The following ARHGEF26 variants were observed in gnomAD, a reference collection of about 807,000 sequenced individuals.
ARHGEF26 encodes the protein Rho guanine nucleotide exchange factor 26.
In ARHGEF26, 59 loss-of-function variants were observed where a neutral mutation model predicts 89.4. The ratio of observed to expected loss-of-function variants is 0.66; its 90% confidence interval spans 0.54 to 0.82. The LOEUF is 0.82. Ranked by LOEUF, ARHGEF26 falls within the 40% of genes least tolerant of loss-of-function variation. The probability of loss-of-function intolerance (pLI) is 0.00; values close to 1 mark genes in which losing one functional copy is unlikely to be tolerated. For synonymous variants in ARHGEF26, 500 were observed against 428.4 expected (o/e 1.17, Z -2.06); for missense variants, 1,234 against 1,085.6 (o/e 1.14, Z -1.92).
At position 154,255,853 on chromosome 3, in the gene ARHGEF26, T is replaced by C. The variant is rs142560833; in HGVS notation, c.*380T>C. ...GTGACTGTCTCTCTTTATACATCCTTGTATGGTTCTCCCAGTATTAGCAAG... is the reference window on the plus strand; with the variant it reads ...GTGACTGTCTCTCTTTATACATCCTCGTATGGTTCTCCCAGTATTAGCAAG... On this transcript the variant is annotated 3_prime_UTR_variant, in exon 15 of 15. Transcript: ENST00000465093. 6.0e-4 allele frequency: 609 copies of C among 1,010,818 alleles called. 6 individuals are homozygous for C. The African/African-American group carries it at 9.9e-3, about 16-fold the overall frequency. The allele number at this position is 1,010,818 out of a possible 1,614,324, so 62.6% of individuals were successfully genotyped here. A position where few individuals can be genotyped will look rare whatever the true frequency, so the allele number is the denominator to read the frequency against.
chr3:154,253,114 A>T lies in ARHGEF26; in HGVS notation c.2301-2A>T, dbSNP rs763288541. 1 of 1,613,990 alleles carries T rather than the reference A, an allele frequency of 6.2e-7. No individual in the cohort carries two copies. The highest frequency in any genetic ancestry group is 1.1e-5 in the South Asian group (1 of 91,078). The stretch of plus-strand genomic sequence containing the variant: ...CTCAGTTGGATCTGCCCTCTGTTTT[A>T]GGAGCGAGCGAGCCCGCTGGATAAC... On this transcript the variant is annotated splice_acceptor_variant, in intron 12 of 14. Transcript: ENST00000465093. LOFTEE classifies it high-confidence loss of function.
At chr3:154,184,128 AC>A (rs1713356626) in intron 6 of ARHGEF26, among the ~76,000 whole-genome samples, 1 of 150,836 alleles carries the variant, frequency 6.6e-6, no homozygotes, top group African/African-American at 2.4e-5. Flanking sequence ...GTCTGCCACC[AC>A]CCCCGGCTAA....
intron 6 of ARHGEF26, among the ~76,000 whole-genome samples, chr3:154,159,568 C>G (rs146371731): frequency 9.5e-4 from 145 of 152,134 alleles, no homozygotes; most frequent in Non-Finnish European, 1.7e-3. Context: ...TAATTTTAAT[C>G]AAACTCTATT....
intron 11 of ARHGEF26, 111 bp from the exon 12 acceptor site, chr3:154,240,259 C>T: frequency 1.5e-6 from 1 of 686,690 alleles, no homozygotes; most frequent in Admixed American, 3.1e-5. Flanking sequence ...CATTCTTTCC[C>T]TCTCCTTCCT....
At chr3:154,209,755 C>G (rs1312532757) in intron 9 of ARHGEF26, among the ~76,000 whole-genome samples, 1 of 152,224 alleles carries the variant, frequency 6.6e-6, no homozygotes. Context: ...CACTCCCTGG[C>G]TACTGCCTGT....
chr3:154,253,086 T>C lies in ARHGEF26; in HGVS notation c.2301-30T>C, dbSNP rs369872149. 15 of 1,612,840 alleles carry C rather than the reference T, an allele frequency of 9.3e-6. No individual in the cohort carries two copies. In the East Asian group the frequency reaches 1.8e-4, roughly 19 times the overall value. On this transcript the variant is annotated intron_variant, in intron 12 of 14. Transcript: ENST00000465093. The stretch of plus-strand genomic sequence containing the variant: ...CCATTCTGTGTTTTTACACCTTGAG[T>C]CTCTCAGTTGGATCTGCCCTCTGTT...
intron 9 of ARHGEF26, among the ~76,000 whole-genome samples, chr3:154,197,103 C>T (rs747515197): frequency 4.6e-5 from 7 of 152,070 alleles, no homozygotes; most frequent in Non-Finnish European, 7.4e-5. Flanking sequence ...AGTTGCTTTA[C>T]CTTGATACTA....
At chr3:154,208,089 T>C (rs1327198784) in intron 9 of ARHGEF26, among the ~76,000 whole-genome samples, 5 of 152,008 alleles carry the variant, frequency 3.3e-5, no homozygotes, top group Non-Finnish European at 7.4e-5. Context: ...CTGGGGCCTA[T>C]TGGAGGATGG....
In ARHGEF26 at chr3:154,255,679, C is replaced by T. The variant is rs1344599302; in HGVS notation, c.*206C>T. Reference sequence around the variant, plus strand: ...TTGCACAGCTCAGTTTTTACCTAACCACACACTTGCAGACCTCCTGAGGTA... The same window carrying T: ...TTGCACAGCTCAGTTTTTACCTAACTACACACTTGCAGACCTCCTGAGGTA... On this transcript the variant is annotated 3_prime_UTR_variant, in exon 15 of 15. Transcript: ENST00000465093. The T allele has an allele frequency of 1.4e-6, 2 of 1,383,632 alleles. No homozygotes were observed. The highest frequency in any genetic ancestry group is 1.9e-6 in the Non-Finnish European group (2 of 1,075,384). 85.7% of individuals were successfully genotyped at this position (1,383,632 alleles called of 1,614,324 possible). A position where few individuals can be genotyped will look rare whatever the true frequency, so the allele number is the denominator to read the frequency against.
At chr3:154,147,715 T>C (rs1387659241) in intron 4 of ARHGEF26, among the ~76,000 whole-genome samples, 1 of 152,250 alleles carries the variant, frequency 6.6e-6, no homozygotes, top group East Asian at 1.9e-4. Context: ...GGTCCCTGTG[T>C]CTGAATTTGA....
chr3:154,172,551 G>A (rs1375305153), intron 6 of ARHGEF26, among the ~76,000 whole-genome samples: 1 of 152,120 alleles, frequency 6.6e-6, no homozygotes, highest in African/African-American at 2.4e-5. Flanking sequence ...AAAGTTAGCT[G>A]GGCGTGGTGG....
chr3:154,154,458 GTATA>G (rs1029283956), intron 6 of ARHGEF26, among the ~76,000 whole-genome samples: 15 of 151,920 alleles, frequency 9.9e-5, no homozygotes, highest in African/African-American at 3.4e-4. Flanking sequence ...ATTTATCAAA[GTATA>G]TATATTAAAT....
intron 3 of ARHGEF26, among the ~76,000 whole-genome samples, chr3:154,126,789 C>T (rs146427989): frequency 7.6e-4 from 115 of 152,284 alleles, no homozygotes; most frequent in African/African-American, 2.8e-3. Context: ...TAAGATACAG[C>T]CATGCATCAC....
At chr3:154,121,151 C>G (rs1342834024), upstream of ARHGEF26, 1 of 152,268 alleles carries the variant, frequency 6.6e-6, no homozygotes, top group Non-Finnish European at 1.5e-5. Context: ...CGGCAACGAC[C>G]CCGCGCGCCT....
chr3:154,194,151 A>G (rs775583291), intron 8 of ARHGEF26, among the ~76,000 whole-genome samples: 7 of 152,180 alleles, frequency 4.6e-5, no homozygotes, highest in Non-Finnish European at 1.5e-5. Context: ...AAAATGTATC[A>G]TCTATAAATA....
intron 4 of ARHGEF26, among the ~76,000 whole-genome samples, chr3:154,144,981 C>T (rs191439620): frequency 2.0e-4 from 30 of 152,186 alleles, no homozygotes; most frequent in Non-Finnish European, 3.8e-4. Context: ...TGTTTACCCA[C>T]CACTCCCCAG....
chr3:154,124,573 TATACAGTCCAA>T (rs1212000213), intron 3 of ARHGEF26, 124 bp downstream of exon 3: 3 of 882,286 alleles, frequency 3.4e-6, no homozygotes, highest in African/African-American at 1.8e-5. Flanking sequence ...CTTCTCAAAT[TATACAGTCCAA>T]AGCTTCTCAC....
At chr3:154,175,004 C>G (rs148601110) in intron 6 of ARHGEF26, among the ~76,000 whole-genome samples, 2 of 152,086 alleles carry the variant, frequency 1.3e-5, no homozygotes, top group African/African-American at 4.8e-5. Flanking sequence ...AAGTGCCCTC[C>G]GCATGCAAGT....
chr3:154,221,931 ATG>A (rs1716155420), intron 10 of ARHGEF26, among the ~76,000 whole-genome samples: 1 of 152,200 alleles, frequency 6.6e-6, no homozygotes, highest in Non-Finnish European at 1.5e-5. Context: ...TATTTGGTTT[ATG>A]GTATGGCCAT....
Sources: gnomAD v4.1 joint callset for allele counts (sites outside exome capture counted in the v4.1 genomes callset) on GRCh38, gnomAD v4.1.1 for gene constraint, MANE v1.5 for transcripts, NCBI Gene and HGNC (gene_info 2026-07-23, HGNC 2026-07-21) for gene names.